CTNNA3: variants seen among roughly 807,000 people sequenced by gnomAD.
CTNNA3 encodes the protein catenin alpha 3, also known as catenin alpha-3.
In CTNNA3, 76 loss-of-function variants were observed where a neutral mutation model predicts 95.7. The observed-to-expected ratio is 0.79, with a 90% CI of 0.66 to 0.96. The LOEUF is 0.96. Ranked by LOEUF, CTNNA3 falls within the 40% of genes least tolerant of loss-of-function variation. CTNNA3 has a pLI of 0.00. For synonymous variants in CTNNA3, 431 were observed against 374.4 expected (o/e 1.15, Z -1.74); for missense variants, 1,191 against 1,089.8 (o/e 1.09, Z -1.31).
intron 12 of CTNNA3, among the ~76,000 whole-genome samples, chr10:66,348,799 G>A (rs1015027178): frequency 1.3e-5 from 2 of 152,030 alleles, no homozygotes; most frequent in Admixed American, 1.3e-4. Flanking sequence ...TATTTAATAA[G>A]TTGATAATCA....
At chr10:67,123,387 T>C (rs1311716349) in intron 7 of CTNNA3, among the ~76,000 whole-genome samples, 2 of 152,226 alleles carry the variant, frequency 1.3e-5, no homozygotes, top group Admixed American at 6.5e-5. Flanking sequence ...ATCTATTCTA[T>C]GTGCATAGCT....
intron 12 of CTNNA3, among the ~76,000 whole-genome samples, chr10:66,350,060 A>T (rs923147969): frequency 6.6e-6 from 1 of 152,118 alleles, no homozygotes; most frequent in Non-Finnish European, 1.5e-5. Flanking sequence ...AAGTTATATC[A>T]TTCAGTGTAA....
intron 12 of CTNNA3, among the ~76,000 whole-genome samples, chr10:66,329,032 CCT>C (rs897275122): frequency 2.0e-5 from 3 of 150,020 alleles, no homozygotes; most frequent in Non-Finnish European, 3.0e-5. Flanking sequence ...CTCACTGCAA[CCT>C]CTGCCTCCGG....
intron 5 of CTNNA3, among the ~76,000 whole-genome samples, chr10:67,449,328 A>G (rs916818360): frequency 2.0e-5 from 3 of 152,168 alleles, no homozygotes; most frequent in African/African-American, 7.2e-5. Context: ...ACTAGAGAAA[A>G]CTATTTTAAA....
intron 15 of CTNNA3, among the ~76,000 whole-genome samples, chr10:66,065,197 G>T (rs894763719): frequency 1.3e-5 from 2 of 151,956 alleles, no homozygotes; most frequent in African/African-American, 4.8e-5. Flanking sequence ...TGACCAGAAG[G>T]AACAGCCATG....
intron 1 of CTNNA3, among the ~76,000 whole-genome samples, chr10:67,734,710 TC>T (rs1462232183): frequency 2.6e-5 from 4 of 152,112 alleles, no homozygotes; most frequent in Non-Finnish European, 4.4e-5. Context: ...GGCACTAAAA[TC>T]CTTTTAAAAG....
chr10:67,084,090 C>A (rs1331546812), intron 7 of CTNNA3, among the ~76,000 whole-genome samples: 1 of 151,974 alleles, frequency 6.6e-6, no homozygotes, highest in African/African-American at 2.4e-5. Flanking sequence ...TAAACAAGCA[C>A]AAAATATGAT....
intron 12 of CTNNA3, among the ~76,000 whole-genome samples, chr10:66,330,483 G>T (rs2092311835): frequency 6.6e-6 from 1 of 151,990 alleles, no homozygotes; most frequent in Non-Finnish European, 1.5e-5. Flanking sequence ...TTGGACATTT[G>T]GGTTGGTTCC....
intron 12 of CTNNA3, among the ~76,000 whole-genome samples, chr10:66,367,010 A>G (rs961656475): frequency 3.9e-5 from 6 of 152,166 alleles, no homozygotes; most frequent in African/African-American, 1.4e-4. Context: ...AATGTAAGAA[A>G]TGCAACATAG....
At chr10:67,670,648 C>A (rs1027778094) in intron 1 of CTNNA3, among the ~76,000 whole-genome samples, 3 of 152,112 alleles carry the variant, frequency 2.0e-5, no homozygotes, top group Non-Finnish European at 4.4e-5. Flanking sequence ...CACTTTTATC[C>A]CCCTGGGTCT....
chr10:66,406,861 T>G (rs1241974707), intron 11 of CTNNA3, among the ~76,000 whole-genome samples: 1 of 152,164 alleles, frequency 6.6e-6, no homozygotes, highest in Non-Finnish European at 1.5e-5. Flanking sequence ...TCCATGACTA[T>G]TTAGTGAAAT....
chr10:67,103,164 T>C (rs577285393), intron 7 of CTNNA3, among the ~76,000 whole-genome samples: 86 of 151,944 alleles, frequency 5.7e-4, no homozygotes, highest in South Asian at 2.9e-3. Flanking sequence ...AAAATAGTGC[T>C]CAAATGAATT....
At chr10:66,706,583 G>A (rs1159279364) in intron 9 of CTNNA3, among the ~76,000 whole-genome samples, 1 of 151,886 alleles carries the variant, frequency 6.6e-6, no homozygotes, top group Non-Finnish European at 1.5e-5. Flanking sequence ...AATAAGAATG[G>A]TTAAAAATAA....
At chr10:67,143,129 T>G (rs1860666117) in intron 7 of CTNNA3, among the ~76,000 whole-genome samples, 1 of 151,528 alleles carries the variant, frequency 6.6e-6, no homozygotes, top group Non-Finnish European at 1.5e-5. Context: ...ATCGATTGAC[T>G]CTTTCTTTCA....
chr10:66,367,518 G>A (rs1330867297), intron 12 of CTNNA3, among the ~76,000 whole-genome samples: 2 of 149,346 alleles, frequency 1.3e-5, no homozygotes, highest in African/African-American at 4.9e-5. Flanking sequence ...AGAAACATAT[G>A]CACATATGTA....
intron 1 of CTNNA3, among the ~76,000 whole-genome samples, chr10:67,702,002 AC>A (rs1160740928): frequency 6.6e-6 from 1 of 152,226 alleles, no homozygotes; most frequent in Non-Finnish European, 1.5e-5. Context: ...CAGACTTTAA[AC>A]CAACAAAGAT....
intron 5 of CTNNA3, among the ~76,000 whole-genome samples, chr10:67,393,786 C>G (rs1336943647): frequency 6.6e-6 from 1 of 152,040 alleles, no homozygotes; most frequent in Non-Finnish European, 1.5e-5. Context: ...TTCTAGCTAT[C>G]AAGGTAAAAT....
chr10:66,944,490 T>C (rs1204057463), intron 7 of CTNNA3, among the ~76,000 whole-genome samples: 1 of 152,198 alleles, frequency 6.6e-6, no homozygotes, highest in African/African-American at 2.4e-5. Context: ...AACTTCTTCC[T>C]AACTCCTATT....
chr10:66,889,388 G>A (rs1167280308), intron 7 of CTNNA3, among the ~76,000 whole-genome samples: 13 of 152,304 alleles, frequency 8.5e-5, no homozygotes, highest in Non-Finnish European at 1.6e-4. Context: ...TGGGTGATAT[G>A]TCAATATAGG....
Sources: allele counts gnomAD v4.1 joint callset (sites outside exome capture counted in the v4.1 genomes callset), GRCh38; gene constraint gnomAD v4.1.1; transcripts MANE v1.5; gene names NCBI Gene and HGNC (gene_info 2026-07-23, HGNC 2026-07-21).